The following HYLS1 variants were observed in gnomAD, a reference collection of about 807,000 sequenced individuals.
The protein encoded by HYLS1 is HYLS1 centriolar and ciliogenesis associated.
In HYLS1, 25 loss-of-function variants were observed where a neutral mutation model predicts 29.4. That is an observed-to-expected ratio of 0.85 (90% confidence interval 0.62 to 1.19). The LOEUF is 1.19. Ranked by LOEUF, HYLS1 falls within the 50% of genes most tolerant of loss-of-function variation. The pLI, the probability that HYLS1 is intolerant of heterozygous loss-of-function variation, is 0.00. For missense variants in HYLS1, 352 were observed against 365.1 expected (o/e 0.96, Z 0.29); for synonymous variants, 128 against 126.7 (o/e 1.01, Z -0.07).
chr11:125,899,732 A>C lies in HYLS1; in HGVS notation c.364A>C (p.Thr122Pro). ...GATTATCAGTGAATCAGAATCTGGT[A>C]CAGAAAATGATCAGGATCTCTGGGA... ...ESIISESESG[T>P]ENDQDLWDLR... Residue 122 changes from threonine (T) to proline (P), a missense_variant, in exon 3 of 3, where the codon ACA becomes CCA. Thr to Pro is a conservative substitution (Grantham distance 38). Transcript: ENST00000425380. The C allele has an allele frequency of 1.2e-6, 2 of 1,614,248 alleles. No individual in the cohort carries two copies. The highest frequency in any genetic ancestry group is 4.5e-5 in the East Asian group (2 of 44,890).
intron 1 of HYLS1, among the ~76,000 whole-genome samples, chr11:125,889,853 C>G (rs923074410): frequency 2.6e-5 from 4 of 152,134 alleles, no homozygotes; most frequent in African/African-American, 7.2e-5. Context: ...TTGCCAGCAC[C>G]GGGTACTGAA....
Position 125,900,597 on chromosome 11 carries a change from T to G in HYLS1, c.*329T>G, listed in dbSNP as rs117414825. The stretch of plus-strand genomic sequence containing the variant: ...AGTTGCTGTGCTTCAGTGTGTGTTT[T>G]TTAAGTTGCTGGGCATTACACTTAC... On this transcript the variant is annotated 3_prime_UTR_variant, in exon 3 of 3. Coordinates refer to ENST00000425380, the MANE Select transcript of HYLS1 (RefSeq NM_001134793.2). 230 of 335,910 alleles carry G rather than the reference T, an allele frequency of 6.8e-4. 1 individual carries two copies. The East Asian group carries it at 0.018, about 26-fold the overall frequency. The allele number at this position is 335,910 out of a possible 1,614,324, so 20.8% of individuals were successfully genotyped here.
At position 125,900,467 on chromosome 11, in the gene HYLS1, G is replaced by A. The variant is rs1027826949; in HGVS notation, c.*199G>A. The A allele has an allele frequency of 1.7e-6, 1 of 584,362 alleles. No homozygotes were observed. Among genetic ancestry groups the A allele is most frequent in the Non-Finnish European group, 3.1e-6 (1 of 322,098 alleles). 36.2% of individuals were successfully genotyped at this position (584,362 alleles called of 1,614,324 possible). ...AAATTGCCACTCAAATCCAGCAATT[G>A]CAAGATAAATCATATCAGAGAAAGA... is the stretch of plus-strand genomic sequence containing the variant. On this transcript the variant is annotated 3_prime_UTR_variant, in exon 3 of 3. Coordinates refer to ENST00000425380, the MANE Select transcript of HYLS1 (RefSeq NM_001134793.2).
intron 2 of HYLS1, among the ~76,000 whole-genome samples, chr11:125,891,933 A>T (rs1944420029): frequency 6.6e-6 from 1 of 152,122 alleles, no homozygotes; most frequent in Non-Finnish European, 1.5e-5. Context: ...TTAGTTTATG[A>T]TTTATATATT....
chr11:125,898,132 T>C (rs774478995), intron 2 of HYLS1, among the ~76,000 whole-genome samples: 13 of 152,196 alleles, frequency 8.5e-5, no homozygotes, highest in Admixed American at 3.3e-4. Flanking sequence ...GGAAAATTTC[T>C]AGATAAATCA....
chr11:125,899,139 A>G, intron 2 of HYLS1: 1 of 537,164 alleles, frequency 1.9e-6, no homozygotes, highest in Non-Finnish European at 3.3e-6. Flanking sequence ...AAGCAGGAGT[A>G]AGAGTGGAAA....
chr11:125,884,079 G>T (rs1272622819), upstream of HYLS1: 16 of 152,210 alleles, frequency 1.1e-4, no homozygotes, highest in Admixed American at 1.0e-3. Flanking sequence ...GATTGTGGGA[G>T]ATTGTACAGG....
At chr11:125,899,085 C>G in intron 2 of HYLS1, 1 of 420,290 alleles carries the variant, frequency 2.4e-6, no homozygotes, top group Non-Finnish European at 4.3e-6. Flanking sequence ...TATGCCAGAA[C>G]TATACTGTCC....
At chr11:125,896,314 A>G (rs1467016917) in intron 2 of HYLS1, 1 of 1,562,380 alleles carries the variant, frequency 6.4e-7, no homozygotes, top group Admixed American at 1.7e-5. Flanking sequence ...TAAACGAACC[A>G]TACAGGTCTG....
chr11:125,886,975 T>G (rs1944315763), upstream of HYLS1: 2 of 148,334 alleles, frequency 1.3e-5, no homozygotes, highest in Non-Finnish European at 3.0e-5. Flanking sequence ...GACAGGCACA[T>G]TCCAAAAGAA....
At chr11:125,883,950 T>A (rs1438895059), upstream of HYLS1, 1 of 152,172 alleles carries the variant, frequency 6.6e-6, no homozygotes, top group Non-Finnish European at 1.5e-5. Context: ...AAGAAGTTGA[T>A]GAGTTGATAA....
chr11:125,900,599 T>G lies in HYLS1; in HGVS notation c.*331T>G. ...TTGCTGTGCTTCAGTGTGTGTTTTT[T>G]AAGTTGCTGGGCATTACACTTACCA... On this transcript the variant is annotated 3_prime_UTR_variant, in exon 3 of 3. Coordinates refer to ENST00000425380, the MANE Select transcript of HYLS1 (RefSeq NM_001134793.2). 3.0e-6 allele frequency: 1 copy of G among 334,128 alleles called. No individual in the cohort carries two copies. Among genetic ancestry groups the G allele is most frequent in the Admixed American group, 4.8e-5 (1 of 20,768 alleles). 20.7% of individuals were successfully genotyped at this position (334,128 alleles called of 1,614,324 possible).
At chr11:125,893,320 T>C (rs912313183) in intron 2 of HYLS1, among the ~76,000 whole-genome samples, 13 of 152,226 alleles carry the variant, frequency 8.5e-5, no homozygotes, top group African/African-American at 3.1e-4. Flanking sequence ...GGTAGGTAAC[T>C]TTGTGCCTGG....
At chr11:125,899,105 A>G (rs1944678844) in intron 2 of HYLS1, 1 of 484,742 alleles carries the variant, frequency 2.1e-6, no homozygotes, top group Non-Finnish European at 3.7e-6. Flanking sequence ...CTGTTTTAGG[A>G]CCTGAAGGTG....
In HYLS1 at chr11:125,892,723, C is replaced by T. The variant is rs116638311; in HGVS notation, c.-26+1251C>T. ...TATTGCCTCCATTACTCCAGCAGCC[C>T]CCTAATTGGTCACAGTGCCTCCAAT... On this transcript the variant is annotated intron_variant, in intron 2 of 2. Transcript: ENST00000425380. Among the ~76,000 whole-genome samples the T allele has an allele frequency of 8.3e-4, 127 of 152,296 alleles. 1 individual carries two copies. Among genetic ancestry groups the T allele is most frequent in the African/African-American group, 3.0e-3 (123 of 41,564 alleles).
At chr11:125,890,563 G>A (rs481178) in intron 1 of HYLS1, among the ~76,000 whole-genome samples, 123,047 of 152,130 alleles carry the variant, frequency 0.81, 50,527 homozygotes, top group Admixed American at 0.89. Context: ...ATCTCATTTT[G>A]AAGTCTTTGC....
At chr11:125,885,835 G>A (rs975072327), upstream of HYLS1, among the ~76,000 whole-genome samples, 6 of 152,130 alleles carry the variant, frequency 3.9e-5, no homozygotes, top group Admixed American at 2.6e-4. Context: ...TCACAAGAGC[G>A]TGAACCCTAT....
intron 2 of HYLS1, among the ~76,000 whole-genome samples, chr11:125,896,681 C>A (rs1944601330): frequency 6.6e-6 from 1 of 152,160 alleles, no homozygotes; most frequent in Admixed American, 6.5e-5. Flanking sequence ...CATTTGATTT[C>A]TCACTGTATT....
chr11:125,896,037 T>G, intron 2 of HYLS1: 1 of 1,614,240 alleles, frequency 6.2e-7, no homozygotes, highest in South Asian at 1.1e-5. Context: ...ATTTGTGTTT[T>G]CCTGACTAGC....
Sources: allele counts gnomAD v4.1 joint callset (sites outside exome capture counted in the v4.1 genomes callset), GRCh38; gene constraint gnomAD v4.1.1; transcripts MANE v1.5; gene names NCBI Gene and HGNC (gene_info 2026-07-23, HGNC 2026-07-21).